SPATS2L: variants seen among roughly 807,000 people sequenced by gnomAD.
SPATS2L encodes SPATS2-like protein.
SPATS2L carries 30 observed loss-of-function variants against 59.6 expected under a neutral mutation model. The observed-to-expected ratio is 0.50, with a 90% confidence interval of 0.38 to 0.68. The LOEUF (loss-of-function observed/expected upper bound fraction) is 0.68. SPATS2L is among the 30% of genes least tolerant of loss of function. The pLI, the probability that SPATS2L is intolerant of heterozygous loss-of-function variation, is 0.00. For synonymous variants in SPATS2L, 252 were observed against 263.5 expected (o/e 0.96, Z 0.42); for missense variants, 615 against 700.0 (o/e 0.88, Z 1.37).
At chr2:200,347,532 C>T (rs1432819870) in intron 2 of SPATS2L, among the ~76,000 whole-genome samples, 1 of 152,156 alleles carries the variant, frequency 6.6e-6, no homozygotes, top group Non-Finnish European at 1.5e-5. Flanking sequence ...ATGTCCTTGC[C>T]CTCATTGCCC....
chr2:200,445,743 T>G (rs1289171007), intron 8 of SPATS2L, among the ~76,000 whole-genome samples: 1 of 144,072 alleles, frequency 6.9e-6, no homozygotes, highest in African/African-American at 2.5e-5. Context: ...TTTTCAGAGC[T>G]GATTCTTGCC....
intron 2 of SPATS2L, among the ~76,000 whole-genome samples, chr2:200,370,158 G>A (rs1340379648): frequency 6.6e-6 from 1 of 152,190 alleles, no homozygotes; most frequent in Non-Finnish European, 1.5e-5. Context: ...CAGAAGCTTG[G>A]TGATTGACAA....
intron 2 of SPATS2L, among the ~76,000 whole-genome samples, chr2:200,367,880 G>C (rs1559072466): frequency 6.6e-6 from 1 of 152,184 alleles, no homozygotes; most frequent in Non-Finnish European, 1.5e-5. Flanking sequence ...AGTGATAAGA[G>C]TTGTAGTTTA....
At chr2:200,370,138 A>T (rs552607830) in intron 2 of SPATS2L, among the ~76,000 whole-genome samples, 1 of 152,210 alleles carries the variant, frequency 6.6e-6, no homozygotes, top group Non-Finnish European at 1.5e-5. Flanking sequence ...CAAAGAATGG[A>T]GAAAGCCCCC....
intron 2 of SPATS2L, among the ~76,000 whole-genome samples, chr2:200,375,846 C>T (rs1383336628): frequency 2.0e-5 from 3 of 152,126 alleles, no homozygotes; most frequent in African/African-American, 4.8e-5. Context: ...AGGCTGCTCT[C>T]GAACTCCTGG....
chr2:200,417,823 G>A (rs929563654), intron 5 of SPATS2L, among the ~76,000 whole-genome samples: 8 of 152,142 alleles, frequency 5.3e-5, no homozygotes, highest in South Asian at 2.1e-4. Flanking sequence ...GTTGAAGAAC[G>A]AAGCCACGCT....
intron 11 of SPATS2L, among the ~76,000 whole-genome samples, chr2:200,471,044 C>T (rs2086990692): frequency 6.6e-6 from 1 of 152,014 alleles, no homozygotes; most frequent in South Asian, 2.1e-4. Context: ...CCTGTAAGCC[C>T]AGCTACTTGG....
chr2:200,438,397 G>A (rs115070785), intron 6 of SPATS2L, among the ~76,000 whole-genome samples: 5 of 152,178 alleles, frequency 3.3e-5, no homozygotes, highest in African/African-American at 7.2e-5. Flanking sequence ...ATACATTTCC[G>A]TTTCAGGCCA....
chr2:200,434,685 G>A (rs941137960), intron 6 of SPATS2L, among the ~76,000 whole-genome samples: 10 of 152,086 alleles, frequency 6.6e-5, no homozygotes, highest in African/African-American at 1.2e-4. Flanking sequence ...ATAAAATGAT[G>A]CTAAAGCAAA....
intron 12 of SPATS2L, 121 bp from the exon 13 acceptor site, chr2:200,477,515 T>TTAAAAAAAAA (rs2087629300): frequency 3.7e-6 from 1 of 268,514 alleles, no homozygotes; most frequent in African/African-American, 4.4e-5. Context: ...TTCTGGTGTA[T>TTAAAAAAAAA]AAAAAAAAAA....
intron 2 of SPATS2L, among the ~76,000 whole-genome samples, chr2:200,334,941 T>C (rs2080090505): frequency 6.6e-6 from 1 of 152,236 alleles, no homozygotes. Context: ...TGAAGTTAGA[T>C]AGCGTGATGC....
chr2:200,430,176 C>T (rs2083823761), intron 6 of SPATS2L, among the ~76,000 whole-genome samples: 2 of 152,088 alleles, frequency 1.3e-5, no homozygotes. Context: ...CTTTCATTAC[C>T]ATTGTATTTC....
At position 200,459,827 on chromosome 2, in the gene SPATS2L, A is replaced by C. The variant is rs758024823; in HGVS notation, c.847A>C (p.Met283Leu). ...AATGGATAAAGTTAAAGAAGAAGCC[A>C]GTAAGTAGACAACACATGGTTATTT... ...AEMDKVKEEA[M>L]EILTARQKKA... is the part of the protein sequence containing the mutation. The change falls in exon 9 of 13, where the codon ATG (methionine) becomes CTG (leucine). Residue 283 changes from methionine (M) to leucine (L), a missense_variant and splice_region_variant. Met to Leu is a conservative substitution (Grantham distance 15, BLOSUM62 2). Around this residue, in one of 3 missense-constraint regions of SPATS2L, gnomAD observed 104 missense variants for 162.5 expected, o/e 0.64. Coordinates refer to ENST00000409140, the MANE Select transcript of SPATS2L (RefSeq NM_001100423.2). 1 of 1,607,616 alleles carries C rather than the reference A, an allele frequency of 6.2e-7. No homozygotes were observed. Among genetic ancestry groups the C allele is most frequent in the Non-Finnish European group, 8.5e-7 (1 of 1,174,932 alleles).
At chr2:200,411,508 C>G (rs2082877585) in intron 3 of SPATS2L, among the ~76,000 whole-genome samples, 1 of 152,192 alleles carries the variant, frequency 6.6e-6, no homozygotes, top group Non-Finnish European at 1.5e-5. Context: ...TGCAGTAATC[C>G]CTGTGATAGA....
chr2:200,368,443 G>A (rs2081328582), intron 2 of SPATS2L, among the ~76,000 whole-genome samples: 1 of 152,184 alleles, frequency 6.6e-6, no homozygotes, highest in Admixed American at 6.5e-5. Flanking sequence ...TGGGGTCTCA[G>A]ATACTAATTT....
At position 200,477,644 on chromosome 2, in the gene SPATS2L, T is replaced by G; in HGVS notation, c.1290T>G (p.Ser430=). ...QTMPANKQNG[S]SNQRRRFNPQ... Reference sequence around the variant, plus strand: ...CTTTTCTTTTTTGGTAGAATGGATCTTCTAACCAAAGACGGAGATTTAATC... The same window carrying G: ...CTTTTCTTTTTTGGTAGAATGGATCGTCTAACCAAAGACGGAGATTTAATC... The change falls in exon 13 of 13, where the codon TCT becomes TCG. Residue 430 remains serine (S), a synonymous_variant. Coordinates refer to ENST00000409140, the MANE Select transcript of SPATS2L (RefSeq NM_001100423.2). 6.5e-7 allele frequency: 1 copy of G among 1,546,376 alleles called. No individual in the cohort carries two copies. Among genetic ancestry groups the G allele is most frequent in the South Asian group, 1.2e-5 (1 of 82,502 alleles).
intron 1 of SPATS2L, among the ~76,000 whole-genome samples, chr2:200,313,354 A>G (rs1462276551): frequency 6.6e-6 from 1 of 152,186 alleles, no homozygotes; most frequent in Non-Finnish European, 1.5e-5. Flanking sequence ...CATGATAAGT[A>G]GTACTATTAA....
rs899321469 is a variant in SPATS2L at position 200,306,898 on chromosome 2, G to T, written c.-97G>T. 1.0e-6 allele frequency: 1 copy of T among 981,246 alleles called. No individual in the cohort carries two copies. The highest frequency in any genetic ancestry group is 1.8e-5 in the African/African-American group (1 of 56,726). 60.8% of individuals were successfully genotyped at this position (981,246 alleles called of 1,614,324 possible). On this transcript the variant is annotated 5_prime_UTR_variant, in exon 1 of 13. Coordinates refer to ENST00000409140, the MANE Select transcript of SPATS2L (RefSeq NM_001100423.2). ...CCGGGCCCCGGCTCCGGCCCGGGAC[G>T]GAGGAGCCGGCGCTCGACACAGAGG... is the stretch of plus-strand genomic sequence containing the variant.
intron 3 of SPATS2L, among the ~76,000 whole-genome samples, chr2:200,399,785 C>G (rs994217825): frequency 1.3e-5 from 2 of 152,140 alleles, no homozygotes; most frequent in African/African-American, 4.8e-5. Flanking sequence ...TCGGCTTCCT[C>G]TACACCACAG....
Sources: gnomAD v4.1 joint callset for allele counts (sites outside exome capture counted in the v4.1 genomes callset) on GRCh38, gnomAD v4.1.1 for gene constraint, gnomAD v4.1.1 regional missense constraint, MANE v1.5 for transcripts, NCBI Gene and HGNC (gene_info 2026-07-23, HGNC 2026-07-21) for gene names.